TINAG: variants seen among roughly 807,000 people sequenced by gnomAD.
The protein encoded by TINAG is tubulointerstitial nephritis antigen.
In TINAG, 83 loss-of-function variants were observed where a neutral mutation model predicts 72.7. The ratio of observed to expected loss-of-function variants is 1.14; its 90% CI spans 0.96 to 1.37. The LOEUF is 1.37. TINAG is among the 40% of genes most tolerant of loss of function. The pLI is 0.00. For missense variants in TINAG, 685 were observed against 576.6 expected, an observed-to-expected ratio of 1.19 and a Z score of -1.93; for synonymous variants, 234 against 189.9, an observed-to-expected ratio of 1.23 and a Z score of -1.91.
intron 9 of TINAG, among the ~76,000 whole-genome samples, chr6:54,364,159 C>T (rs2150969661): frequency 6.6e-6 from 1 of 151,454 alleles, no homozygotes; most frequent in South Asian, 2.1e-4. Context: ...GGGAAGATAA[C>T]CAGGGGAACC....
At chr6:54,314,673 T>C (rs1036551190) in intron 1 of TINAG, among the ~76,000 whole-genome samples, 1 of 152,204 alleles carries the variant, frequency 6.6e-6, no homozygotes, top group African/African-American at 2.4e-5. Flanking sequence ...ATCAATTTAA[T>C]ATTTTTTTGA....
rs375341143 is a variant in TINAG at position 54,312,378 on chromosome 6, A to G, written c.355+3473A>G. Among the ~76,000 whole-genome samples, 68 of 152,248 alleles carry G rather than the reference A, an allele frequency of 4.5e-4. 1 individual carries two copies. In the South Asian group the frequency reaches 0.014, roughly 31 times the overall value. ...AAATGCTATTTATTCATGAGAGCTC[A>G]TATCCTACTGGCAATTTTTCTCAAT... On this transcript the variant is annotated intron_variant, in intron 1 of 10. Coordinates refer to ENST00000259782, the MANE Select transcript of TINAG (RefSeq NM_014464.4).
chr6:54,360,239 C>A (rs1176855561), intron 9 of TINAG, among the ~76,000 whole-genome samples: 5 of 150,390 alleles, frequency 3.3e-5, no homozygotes, highest in Non-Finnish European at 7.4e-5. Flanking sequence ...TATTTCCCCC[C>A]TCTCTCTTCC....
chr6:54,348,270 G>T (rs1348772258), intron 6 of TINAG, among the ~76,000 whole-genome samples: 1 of 152,026 alleles, frequency 6.6e-6, no homozygotes, highest in Non-Finnish European at 1.5e-5. Flanking sequence ...TTTTTCATAC[G>T]TTTTGCCTAA....
chr6:54,368,055 T>C (rs895966618), intron 9 of TINAG, among the ~76,000 whole-genome samples: 1 of 151,632 alleles, frequency 6.6e-6, no homozygotes, highest in African/African-American at 2.4e-5. Flanking sequence ...CATAGGAATT[T>C]TGGGGGGACA....
chr6:54,328,787 T>C (rs1208154928), intron 4 of TINAG, among the ~76,000 whole-genome samples: 1 of 151,784 alleles, frequency 6.6e-6, no homozygotes, highest in African/African-American at 2.4e-5. Flanking sequence ...AATGACCTGA[T>C]GGAGCTGAAA....
In TINAG at chr6:54,311,004, A is replaced by ATTCCT. The variant is rs1388427499; in HGVS notation, c.355+2113_355+2117dup. 1.6e-4 allele frequency among the ~76,000 whole-genome samples: 18 copies of ATTCCT among 115,520 alleles called. No individual in the cohort carries two copies. In the Admixed American group the frequency reaches 1.6e-3, roughly 10 times the overall value. The allele number at this position is 115,520 out of a possible 152,430, so 75.8% of individuals were successfully genotyped here. On this transcript the variant is annotated intron_variant, in intron 1 of 10. Coordinates refer to ENST00000259782, the MANE Select transcript of TINAG (RefSeq NM_014464.4). Reference sequence around the variant, plus strand: ...CCTTCTCCCTCTCCCTTTCCTTTCTATTCCTTTCCTTTCCTTTCATTTTTA... The same window carrying ATTCCT: ...CCTTCTCCCTCTCCCTTTCCTTTCTATTCCTTTCCTTTCCTTTCCTTTCATTTTTA...
At chr6:54,343,997 C>T (rs1166747020) in intron 5 of TINAG, among the ~76,000 whole-genome samples, 2 of 152,140 alleles carry the variant, frequency 1.3e-5, no homozygotes, top group African/African-American at 4.8e-5. Flanking sequence ...TAGTTACAGG[C>T]TAACCCTCAA....
At chr6:54,381,214 T>C (rs1763940036) in intron 10 of TINAG, among the ~76,000 whole-genome samples, 1 of 150,746 alleles carries the variant, frequency 6.6e-6, no homozygotes, top group African/African-American at 2.5e-5. Context: ...CATGTGTCTT[T>C]ACTCAGAAAG....
At chr6:54,317,900 T>C (rs1235343457) in intron 1 of TINAG, among the ~76,000 whole-genome samples, 1 of 152,124 alleles carries the variant, frequency 6.6e-6, no homozygotes, top group Admixed American at 6.5e-5. Context: ...ATTCCTACAT[T>C]ACCAAATGCA....
intron 9 of TINAG, among the ~76,000 whole-genome samples, chr6:54,367,419 C>T (rs1269098333): frequency 6.6e-6 from 1 of 151,728 alleles, no homozygotes; most frequent in Non-Finnish European, 1.5e-5. Context: ...CATAAATTTG[C>T]CTGACCTTGA....
chr6:54,343,739 A>G (rs568677968), intron 5 of TINAG, among the ~76,000 whole-genome samples: 291 of 149,808 alleles, frequency 1.9e-3, no homozygotes, highest in Admixed American at 4.9e-3. Context: ...TACTCTTTAT[A>G]TGATTTGCAA....
At chr6:54,344,812 GT>G (rs1364274635) in intron 5 of TINAG, among the ~76,000 whole-genome samples, 1 of 152,054 alleles carries the variant, frequency 6.6e-6, no homozygotes, top group African/African-American at 2.4e-5. Flanking sequence ...AAAGGACATA[GT>G]TTTGTATCCT....
intron 9 of TINAG, chr6:54,365,232 G>A (rs529228047): frequency 3.3e-5 from 5 of 151,590 alleles, no homozygotes; most frequent in African/African-American, 1.2e-4. Flanking sequence ...CATTTAATTC[G>A]GGTGTTAGAA....
At chr6:54,317,558 C>T (rs1361056652) in intron 1 of TINAG, among the ~76,000 whole-genome samples, 1 of 152,110 alleles carries the variant, frequency 6.6e-6, no homozygotes, top group Non-Finnish European at 1.5e-5. Flanking sequence ...GAGGCCTCCT[C>T]AGCCATGTGG....
intron 9 of TINAG, 75 bp from the exon 10 acceptor site, chr6:54,380,451 A>T (rs71558875): frequency 4.4e-5 from 55 of 1,260,924 alleles, no homozygotes; most frequent in Non-Finnish European, 5.6e-5. Flanking sequence ...TAGGAATGAC[A>T]ATAATCTGCA....
At chr6:54,367,932 T>C (rs1763483635) in intron 9 of TINAG, among the ~76,000 whole-genome samples, 1 of 151,728 alleles carries the variant, frequency 6.6e-6, no homozygotes, top group Non-Finnish European at 1.5e-5. Flanking sequence ...GGGAGCTCTC[T>C]ATGGTGTCCT....
chr6:54,351,320 A>G (rs549748530), intron 7 of TINAG, 32 bp from the exon 8 acceptor site: 2 of 1,581,368 alleles, frequency 1.3e-6, no homozygotes, highest in African/African-American at 1.3e-5. Flanking sequence ...TCTGATAACA[A>G]TGATATTGCT....
Position 54,349,843 on chromosome 6 carries a change from GA to G in TINAG, c.1032del (p.Lys344AsnfsTer21). On this transcript the variant is annotated frameshift_variant, in exon 7 of 11. Coordinates refer to ENST00000259782, the MANE Select transcript of TINAG (RefSeq NM_014464.4). LOFTEE classifies it high-confidence loss of function. ...HATKPCPNNV[E>X]KSNRIYQCSP... Reference sequence around the variant, plus strand: ...CACGAAGCCATGTCCCAACAACGTAGAAAAATCTAACAGGATCTATCAATGT... The same window carrying G: ...CACGAAGCCATGTCCCAACAACGTAGAAAATCTAACAGGATCTATCAATGT... 1 of 1,609,796 alleles carries G rather than the reference GA, an allele frequency of 6.2e-7. No homozygotes were observed. The highest frequency in any genetic ancestry group is 1.1e-5 in the South Asian group (1 of 90,580).
Sources: gnomAD v4.1 joint callset for allele counts (sites outside exome capture counted in the v4.1 genomes callset) on GRCh38, gnomAD v4.1.1 for gene constraint, MANE v1.5 for transcripts, NCBI Gene and HGNC (gene_info 2026-07-23, HGNC 2026-07-21) for gene names.